Variants in TBC1D19 observed in about 807,000 individuals in gnomAD.
The protein encoded by TBC1D19 is TBC1 domain family member 19.
A neutral mutation model predicts 89.0 loss-of-function variants in TBC1D19; 60 were observed. That is an observed-to-expected ratio of 0.67 (90% CI 0.55 to 0.84). TBC1D19 has a LOEUF of 0.84. Ranked by LOEUF, TBC1D19 falls within the 40% of genes least tolerant of loss-of-function variation. The pLI, the probability that TBC1D19 is intolerant of heterozygous loss-of-function variation, is 0.00. For missense variants in TBC1D19, 500 were observed against 610.8 expected (o/e 0.82, Z 1.91); for synonymous variants, 189 against 199.7 (o/e 0.95, Z 0.45).
chr4:26,670,441 C>T (rs1396805324), intron 9 of TBC1D19, among the ~76,000 whole-genome samples: 1 of 151,618 alleles, frequency 6.6e-6, no homozygotes, highest in Non-Finnish European at 1.5e-5. Flanking sequence ...ATGTACCACA[C>T]ATACATTAAT....
At chr4:26,791,040 C>T in the TBC1D19 span, among the ~76,000 whole-genome samples, 1 of 152,036 alleles carries the variant, frequency 6.6e-6, no homozygotes, top group African/African-American at 2.4e-5. Flanking sequence ...CTACAGTGAC[C>T]TCCTACTGGT....
chr4:26,678,066 T>C (rs1712995577), intron 11 of TBC1D19, among the ~76,000 whole-genome samples: 1 of 152,072 alleles, frequency 6.6e-6, no homozygotes, highest in Non-Finnish European at 1.5e-5. Context: ...TTGGAATAGT[T>C]TGGAGGGCTC....
At chr4:26,668,986 TACACACACACACAC>T (rs3839171) in intron 9 of TBC1D19, among the ~76,000 whole-genome samples, 7 of 147,014 alleles carry the variant, frequency 4.8e-5, no homozygotes, top group South Asian at 2.2e-4. Context: ...TTTAAATACA[TACACACACACACAC>T]ACACACACAC....
chr4:26,792,076 C>T, the TBC1D19 span, among the ~76,000 whole-genome samples: 1 of 151,992 alleles, frequency 6.6e-6, no homozygotes, highest in East Asian at 1.9e-4. Flanking sequence ...CACTGTGAGA[C>T]AAGACCTAGC....
downstream of TBC1D19, among the ~76,000 whole-genome samples, chr4:26,760,342 G>T (rs1005258905): frequency 6.6e-6 from 1 of 152,098 alleles, no homozygotes; most frequent in Non-Finnish European, 1.5e-5. Context: ...GCAGGAAGAT[G>T]GCTTGAGCCC....
chr4:26,606,452 G>C (rs556911132), intron 1 of TBC1D19, among the ~76,000 whole-genome samples: 1 of 152,326 alleles, frequency 6.6e-6, no homozygotes, highest in Admixed American at 6.5e-5. Flanking sequence ...TCACAGAAGA[G>C]ACATTAAGCT....
chr4:26,594,317 A>G (rs1309029797), intron 1 of TBC1D19, among the ~76,000 whole-genome samples: 2 of 152,204 alleles, frequency 1.3e-5, no homozygotes, highest in African/African-American at 2.4e-5. Flanking sequence ...AGGAAGGGGA[A>G]CATCACACAC....
intron 4 of TBC1D19, among the ~76,000 whole-genome samples, chr4:26,628,545 A>G (rs1742584361): frequency 6.6e-6 from 1 of 152,126 alleles, no homozygotes; most frequent in Non-Finnish European, 1.5e-5. Flanking sequence ...AGGGTATTCA[A>G]TTAGGAAAAG....
At chr4:26,729,591 T>C (rs1255068359) in intron 15 of TBC1D19, among the ~76,000 whole-genome samples, 1 of 152,116 alleles carries the variant, frequency 6.6e-6, no homozygotes, top group Non-Finnish European at 1.5e-5. Context: ...CTAAATAGAA[T>C]AAAGAATTAT....
the TBC1D19 span, among the ~76,000 whole-genome samples, chr4:26,787,789 C>T: frequency 5.3e-5 from 8 of 152,188 alleles, no homozygotes; most frequent in Non-Finnish European, 5.9e-5. Flanking sequence ...TGACAACATC[C>T]GGACTTCCTT....
At chr4:26,841,385 CAAA>C in the TBC1D19 span, among the ~76,000 whole-genome samples, 26 of 110,246 alleles carry the variant, frequency 2.4e-4, no homozygotes, top group East Asian at 1.3e-3. Flanking sequence ...GACTCTGTCT[CAAA>C]AAAAAAAAAA....
chr4:26,807,185 G>A, the TBC1D19 span, among the ~76,000 whole-genome samples: 5 of 152,226 alleles, frequency 3.3e-5, no homozygotes, highest in East Asian at 3.9e-4. Flanking sequence ...CTCAGGAGAC[G>A]CAGCAGGGAT....
intron 1 of TBC1D19, among the ~76,000 whole-genome samples, chr4:26,597,452 G>T (rs112148893): frequency 1.1e-3 from 171 of 150,798 alleles, no homozygotes; most frequent in African/African-American, 4.0e-3. Flanking sequence ...CCTTCTTTGT[G>T]ACTGTATTTA....
chr4:26,842,340 C>T, the TBC1D19 span, among the ~76,000 whole-genome samples: 10 of 81,598 alleles, frequency 1.2e-4, no homozygotes, highest in Admixed American at 1.7e-4. Context: ...CTTTTCTTTT[C>T]TTTTTTTTTT....
intron 1 of TBC1D19, among the ~76,000 whole-genome samples, chr4:26,586,142 G>C (rs1739399019): frequency 7.4e-6 from 1 of 135,312 alleles, no homozygotes; most frequent in South Asian, 2.5e-4. Flanking sequence ...ATCCATTTGA[G>C]TTAATTATTG....
chr4:26,606,560 A>G (rs1469967893), intron 1 of TBC1D19, among the ~76,000 whole-genome samples: 2 of 152,218 alleles, frequency 1.3e-5, no homozygotes, highest in Non-Finnish European at 1.5e-5. Flanking sequence ...TTCCAGTAGA[A>G]TAGTTCAGAG....
At chr4:26,577,605 G>A (rs899632708) in intron 1 of TBC1D19, among the ~76,000 whole-genome samples, 6 of 152,194 alleles carry the variant, frequency 3.9e-5, no homozygotes, top group Non-Finnish European at 5.9e-5. Context: ...ATAAGAATTT[G>A]AGTACAAAGA....
At chr4:26,751,261 T>G (rs966925494) in intron 19 of TBC1D19, among the ~76,000 whole-genome samples, 3 of 152,196 alleles carry the variant, frequency 2.0e-5, no homozygotes, top group Admixed American at 1.3e-4. Flanking sequence ...AACTGCTCTT[T>G]TTTTCCCCTT....
chr4:26,831,042 A>G, the TBC1D19 span, among the ~76,000 whole-genome samples: 1 of 152,246 alleles, frequency 6.6e-6, no homozygotes, highest in Non-Finnish European at 1.5e-5. Flanking sequence ...GTGATTTATT[A>G]TTTAGGTTGC....
Sources: allele counts gnomAD v4.1 joint callset (sites outside exome capture counted in the v4.1 genomes callset), GRCh38; gene constraint gnomAD v4.1.1; transcripts MANE v1.5; gene names NCBI Gene and HGNC (gene_info 2026-07-23, HGNC 2026-07-21).